The following CCSER1 variants were observed in gnomAD, a reference collection of about 807,000 sequenced individuals.
The protein encoded by CCSER1 is serine-rich coiled-coil domain-containing protein 1.
Under a neutral mutation model 82.0 loss-of-function variants are expected in CCSER1, and 41 were observed. The observed-to-expected ratio is 0.50, with a 90% CI of 0.39 to 0.65. The LOEUF is 0.65. CCSER1 is among the 30% of genes least tolerant of loss of function. CCSER1 has a pLI of 0.00. For missense variants in CCSER1, 1,119 were observed against 1,064.2 expected (o/e 1.05, Z -0.72); for synonymous variants, 414 against 383.9 (o/e 1.08, Z -0.92).
chr4:90,138,888 G>A (rs924619724), intron 1 of CCSER1, among the ~76,000 whole-genome samples: 2 of 152,056 alleles, frequency 1.3e-5, no homozygotes, highest in African/African-American at 2.4e-5. Flanking sequence ...TTGAAATGTT[G>A]ACAAATCTGA....
At chr4:90,529,237 G>A (rs1774180905) in intron 5 of CCSER1, among the ~76,000 whole-genome samples, 1 of 151,556 alleles carries the variant, frequency 6.6e-6, no homozygotes, top group Admixed American at 6.6e-5. Context: ...TTTTTTGCGA[G>A]TGAGTCTCAC....
chr4:90,729,447 T>C (rs186850199), intron 7 of CCSER1, among the ~76,000 whole-genome samples: 4 of 152,292 alleles, frequency 2.6e-5, no homozygotes, highest in Admixed American at 2.0e-4. Context: ...ATTCCTCTTA[T>C]GAAAAATGAT....
intron 9 of CCSER1, among the ~76,000 whole-genome samples, chr4:91,015,655 T>C (rs112465366): frequency 2.3e-3 from 346 of 152,024 alleles, no homozygotes; most frequent in African/African-American, 7.6e-3. Context: ...TATAAACAGG[T>C]ACCTATTATA....
chr4:90,481,870 A>T (rs1388655913), intron 5 of CCSER1, among the ~76,000 whole-genome samples: 1 of 152,172 alleles, frequency 6.6e-6, no homozygotes, highest in African/African-American at 2.4e-5. Flanking sequence ...TGGTATCAGG[A>T]TGATGGTTGC....
intron 9 of CCSER1, among the ~76,000 whole-genome samples, chr4:90,943,729 A>ATTTTTTTTTTTTTTTTTTTTTTTTTTTT (rs70965460): frequency 2.9e-5 from 2 of 68,886 alleles, no homozygotes; most frequent in African/African-American, 6.3e-5. Context: ...TGCCAGGCTA[A>ATTTTTTTTTTTTTTTTTTTTTTTTTTTT]TTTTTTTTTT....
At chr4:90,426,619 T>G (rs554116899) in intron 4 of CCSER1, among the ~76,000 whole-genome samples, 1 of 152,240 alleles carries the variant, frequency 6.6e-6, no homozygotes, top group South Asian at 2.1e-4. Flanking sequence ...GTATAAAAAT[T>G]TAAATTTCAT....
intron 1 of CCSER1, among the ~76,000 whole-genome samples, chr4:90,154,017 C>T (rs1238598849): frequency 3.3e-5 from 5 of 152,118 alleles, no homozygotes; most frequent in South Asian, 2.1e-4. Flanking sequence ...TTAGGTCTAA[C>T]GTTTAAGTCT....
intron 10 of CCSER1, among the ~76,000 whole-genome samples, chr4:91,092,060 C>T (rs894514931): frequency 2.0e-5 from 3 of 152,040 alleles, no homozygotes; most frequent in Non-Finnish European, 1.5e-5. Flanking sequence ...AGGGGGTGCA[C>T]CTAATTTTAA....
chr4:90,817,969 T>C (rs1184756668), intron 8 of CCSER1, among the ~76,000 whole-genome samples: 2 of 152,170 alleles, frequency 1.3e-5, no homozygotes, highest in Non-Finnish European at 2.9e-5. Context: ...AGTTATACCC[T>C]ACTATATACT....
At chr4:91,046,551 T>G (rs1013039712) in intron 9 of CCSER1, among the ~76,000 whole-genome samples, 2 of 152,210 alleles carry the variant, frequency 1.3e-5, no homozygotes. Flanking sequence ...CTAAGTATTG[T>G]GTTCCTGAAC....
intron 10 of CCSER1, among the ~76,000 whole-genome samples, chr4:91,413,185 G>A (rs1463648644): frequency 6.6e-6 from 1 of 152,148 alleles, no homozygotes; most frequent in Admixed American, 6.6e-5. Flanking sequence ...GCTCACTCCT[G>A]TAATCCCGGC....
At chr4:91,111,930 C>G (rs1453816513) in intron 10 of CCSER1, among the ~76,000 whole-genome samples, 1 of 150,974 alleles carries the variant, frequency 6.6e-6, no homozygotes, top group Non-Finnish European at 1.5e-5. Context: ...TATATGCAGT[C>G]AAATAAAATT....
chr4:91,248,155 G>A (rs2149141117), intron 10 of CCSER1, among the ~76,000 whole-genome samples: 1 of 152,050 alleles, frequency 6.6e-6, no homozygotes, highest in African/African-American at 2.4e-5. Context: ...AAATAGTATT[G>A]GATTATAATC....
intron 7 of CCSER1, among the ~76,000 whole-genome samples, chr4:90,760,331 T>C (rs1177180880): frequency 2.0e-5 from 3 of 152,012 alleles, no homozygotes; most frequent in Admixed American, 2.0e-4. Flanking sequence ...AGTTAACATC[T>C]AGCAGAAGCA....
At chr4:91,245,262 A>C (rs1739676963) in intron 10 of CCSER1, among the ~76,000 whole-genome samples, 1 of 152,204 alleles carries the variant, frequency 6.6e-6, no homozygotes, top group Non-Finnish European at 1.5e-5. Flanking sequence ...TTTGAAACCT[A>C]GAAAAAGATA....
intron 9 of CCSER1, among the ~76,000 whole-genome samples, chr4:91,019,906 C>T (rs1739773150): frequency 6.6e-6 from 1 of 151,918 alleles, no homozygotes; most frequent in Non-Finnish European, 1.5e-5. Context: ...CAGTTATGGG[C>T]AACTGTGTAC....
chr4:91,060,128 C>G (rs552171868), intron 9 of CCSER1, among the ~76,000 whole-genome samples: 44 of 151,956 alleles, frequency 2.9e-4, no homozygotes, highest in Non-Finnish European at 5.9e-4. Flanking sequence ...AAAATTTCTC[C>G]TTTTATTCAG....
At chr4:90,869,510 T>C (rs1766170702) in intron 8 of CCSER1, among the ~76,000 whole-genome samples, 2 of 152,014 alleles carry the variant, frequency 1.3e-5, no homozygotes. Flanking sequence ...GAATTTACTG[T>C]AGATGTATGA....
At chr4:90,822,509 A>G (rs192633507) in intron 8 of CCSER1, among the ~76,000 whole-genome samples, 1 of 152,274 alleles carries the variant, frequency 6.6e-6, no homozygotes, top group Admixed American at 6.5e-5. Flanking sequence ...CGGGCGAATC[A>G]CGAGGTCAGG....
Sources: gnomAD v4.1 joint callset for allele counts (sites outside exome capture counted in the v4.1 genomes callset) on GRCh38, gnomAD v4.1.1 for gene constraint, MANE v1.5 for transcripts, NCBI Gene and HGNC (gene_info 2026-07-23, HGNC 2026-07-21) for gene names.